OGFOD3: variants seen among roughly 807,000 people sequenced by gnomAD.
The protein encoded by OGFOD3 is 2-oxoglutarate and iron dependent oxygenase domain containing 3, also known as 2-oxoglutarate and iron-dependent oxygenase domain-containing protein 3.
OGFOD3 carries 35 observed loss-of-function variants against 39.8 expected under a neutral mutation model. The observed-to-expected ratio is 0.88, with a 90% CI of 0.67 to 1.17. The LOEUF (loss-of-function observed/expected upper bound fraction) is 1.17. Among genes scored for constraint, OGFOD3 ranks in the 50% most tolerant of loss-of-function variants. The pLI is 0.00. For synonymous variants in OGFOD3, 200 were observed against 192.0 expected, an observed-to-expected ratio of 1.04 and a Z score of -0.34; for missense variants, 438 against 454.5, an observed-to-expected ratio of 0.96 and a Z score of 0.33.
intron 2 of OGFOD3, among the ~76,000 whole-genome samples, chr17:82,413,272 G>A (rs1053500866): frequency 1.3e-5 from 2 of 152,188 alleles, no homozygotes; most frequent in Non-Finnish European, 2.9e-5. Flanking sequence ...GGGAAGAGAG[G>A]GTCCCCCGCG....
At chr17:82,395,118 T>C (rs990884117) in intron 8 of OGFOD3, among the ~76,000 whole-genome samples, 2 of 152,088 alleles carry the variant, frequency 1.3e-5, no homozygotes, top group South Asian at 4.1e-4. Flanking sequence ...TGCAACCTCC[T>C]CCTCCCAGGC....
At chr17:82,418,231 C>T (rs554078397) in intron 1 of OGFOD3, 181 bp downstream of exon 1, 185 of 436,154 alleles carry the variant, frequency 4.2e-4, no homozygotes, top group Non-Finnish European at 6.3e-4. Context: ...CCCGCCCGCA[C>T]CTGCCCTGCT....
At position 82,392,821 on chromosome 17, in the gene OGFOD3, C is replaced by T. The variant is rs533797888; in HGVS notation, c.824-287G>A. On this transcript the variant is annotated intron_variant, in intron 8 of 8. Transcript: ENST00000313056. The surrounding 1 kb of genome is among the most constrained non-coding windows in gnomAD (Gnocchi z 4.2). ...ATGCTGCAGATGAGGCCACCACTGG[C>T]TCCAGACACCCCAGGTCATCTGATC... 2.3e-4 allele frequency: 99 copies of T among 425,466 alleles called. 1 individual carries two copies. The South Asian group carries it at 3.6e-3, about 15-fold the overall frequency. 26.4% of individuals were successfully genotyped at this position (425,466 alleles called of 1,614,324 possible). A position where few individuals can be genotyped will look rare whatever the true frequency, so the allele number is the denominator to read the frequency against.
At chr17:82,409,516 G>A (rs371562893) in intron 3 of OGFOD3, 106 bp from the exon 4 acceptor site, 6 of 1,010,928 alleles carry the variant, frequency 5.9e-6, no homozygotes, top group African/African-American at 4.8e-5. Flanking sequence ...TGGGTCCTGC[G>A]TGTTTAATGT....
At position 82,409,411 on chromosome 17, in the gene OGFOD3, C is replaced by A. The variant is rs972038135; in HGVS notation, c.381-1G>T. On this transcript the variant is annotated splice_acceptor_variant, in intron 3 of 8. Coordinates refer to ENST00000313056, the MANE Select transcript of OGFOD3 (RefSeq NM_024648.3). LOFTEE classifies it high-confidence loss of function. ...CAGGGAGAGCCCCTTTTCAGCTACG[C>A]TGCAGGGAGAAAATAATTCAGAATT... The A allele has an allele frequency of 6.2e-7, 1 of 1,613,978 alleles. No individual in the cohort carries two copies. Among genetic ancestry groups the A allele is most frequent in the South Asian group, 1.1e-5 (1 of 91,074 alleles).
At chr17:82,414,006 ATCGGGCACAATAGCATCGTGCAGCCG>A (rs1457349698) in intron 2 of OGFOD3, among the ~76,000 whole-genome samples, 14 of 152,230 alleles carry the variant, frequency 9.2e-5, no homozygotes, top group African/African-American at 3.1e-4. Flanking sequence ...GTGTGGTGGC[ATCGGGCACAATAGCATCGTGCAGCCG>A]TCACTAGCAC....
Position 82,403,920 on chromosome 17 carries a change from C to CCCACGGGCGCGCTCACCTTGT in OGFOD3, c.695_699+16dup, listed in dbSNP as rs777319067. On this transcript the variant is annotated intron_variant, in intron 7 of 8. Coordinates refer to ENST00000313056, the MANE Select transcript of OGFOD3 (RefSeq NM_024648.3). ...CTTGTCCACGGGCACGCTCACCCTGCCCACGGGCGCGCTCACCTTGTCCAC... is the reference window on the plus strand; with the variant it reads ...CTTGTCCACGGGCACGCTCACCCTGCCCACGGGCGCGCTCACCTTGTCCACGGGCGCGCTCACCTTGTCCAC... The CCCACGGGCGCGCTCACCTTGT allele has an allele frequency of 6.3e-7, 1 of 1,589,830 alleles. No individual in the cohort carries two copies. The highest frequency in any genetic ancestry group is 1.3e-5 in the African/African-American group (1 of 74,250).
intron 7 of OGFOD3, among the ~76,000 whole-genome samples, chr17:82,401,803 C>CAAAAAAAAAAAATAAAAAAA (rs2052768484): frequency 1.6e-5 from 1 of 61,724 alleles, no homozygotes; most frequent in Non-Finnish European, 2.7e-5. Flanking sequence ...GACTCCATCT[C>CAAAAAAAAAAAATAAAAAAA]AAAAAAAAAA....
At chr17:82,394,426 G>A in intron 8 of OGFOD3, 1 of 1,613,324 alleles carries the variant, frequency 6.2e-7, no homozygotes, top group Non-Finnish European at 8.5e-7. Flanking sequence ...TCCCCTCTCG[G>A]GCGGGTGGTG....
chr17:82,411,994 C>G (rs2052953538), intron 2 of OGFOD3, among the ~76,000 whole-genome samples: 2 of 151,058 alleles, frequency 1.3e-5, no homozygotes, highest in African/African-American at 4.9e-5. Context: ...CTCCTGAGAC[C>G]ACCAGAGCAG....
At chr17:82,411,384 C>A in intron 3 of OGFOD3, 71 bp downstream of exon 3, 1 of 1,401,588 alleles carries the variant, frequency 7.1e-7, no homozygotes. Flanking sequence ...TAACAATGCT[C>A]TGCTTCCCGC....
Position 82,389,317 on chromosome 17 carries a change from G to C in OGFOD3, c.*3081C>G, listed in dbSNP as rs2052575690. 1 of 152,194 alleles carries C rather than the reference G, an allele frequency of 6.6e-6. No individual in the cohort carries two copies. Among genetic ancestry groups the C allele is most frequent in the South Asian group, 2.1e-4 (1 of 4,834 alleles). 9.4% of individuals were successfully genotyped at this position (152,194 alleles called of 1,614,324 possible). A position where few individuals can be genotyped will look rare whatever the true frequency, so the allele number is the denominator to read the frequency against. On this transcript the variant is annotated 3_prime_UTR_variant, in exon 9 of 9. Transcript: ENST00000313056. The surrounding 1 kb of genome is among the most constrained non-coding windows in gnomAD (Gnocchi z 4.6). ...ATCAGAGGACACACCTGAGACTCCA[G>C]TTCCTCCCTGGAACCTTCTAGCGGA... is the stretch of plus-strand genomic sequence containing the variant.
Position 82,406,272 on chromosome 17 carries a change from C to G in OGFOD3, c.488+146G>C, listed in dbSNP as rs957119980. ...CCCAAAGAACCAGGAAGGACCCGGC[C>G]AACATCACAGCCACTGAGGCCCTGA... On this transcript the variant is annotated intron_variant, in intron 5 of 8. Transcript: ENST00000313056. This position sits in a 1 kb window ranked among gnomAD's most constrained non-coding sequence, Gnocchi z 5.2. 10 of 711,296 alleles carry G rather than the reference C, an allele frequency of 1.4e-5. No homozygotes were observed. Among genetic ancestry groups the G allele is most frequent in the Non-Finnish European group, 2.4e-5 (10 of 410,220 alleles). The allele number at this position is 711,296 out of a possible 1,614,324, so 44.1% of individuals were successfully genotyped here.
Position 82,415,056 on chromosome 17 carries a change from G to T in OGFOD3, c.304+342C>A, listed in dbSNP as rs1167349538. Among the ~76,000 whole-genome samples, 2 of 152,198 alleles carry T rather than the reference G, an allele frequency of 1.3e-5. No individual in the cohort carries two copies. Among genetic ancestry groups the T allele is most frequent in the African/African-American group, 4.8e-5 (2 of 41,438 alleles). On this transcript the variant is annotated intron_variant, in intron 2 of 8. Coordinates refer to ENST00000313056, the MANE Select transcript of OGFOD3 (RefSeq NM_024648.3). This position sits in a 1 kb window ranked among gnomAD's most constrained non-coding sequence, Gnocchi z 5.3. ...CAGGACGGCAGAAGGGCTGCTGGTCGTTTCTTGTTACATTTTCCCCAACAT... is the reference window on the plus strand; with the variant it reads ...CAGGACGGCAGAAGGGCTGCTGGTCTTTTCTTGTTACATTTTCCCCAACAT...
At chr17:82,418,381 C>T in intron 1 of OGFOD3, 31 bp downstream of exon 1, 1 of 1,450,620 alleles carries the variant, frequency 6.9e-7, no homozygotes, top group Non-Finnish European at 9.1e-7. Context: ...TCCGCCGCCG[C>T]AGCGCGCGCC....
In OGFOD3 at chr17:82,407,820, C is replaced by T. The variant is rs74001675; in HGVS notation, c.424-1338G>A. Reference sequence around the variant, plus strand: ...TCACAGATCTTTAACAAATAGCCCCCGAACTGAACCAAACCAAACTGAAAT... The same window carrying T: ...TCACAGATCTTTAACAAATAGCCCCTGAACTGAACCAAACCAAACTGAAAT... On this transcript the variant is annotated intron_variant, in intron 4 of 8. Coordinates refer to ENST00000313056, the MANE Select transcript of OGFOD3 (RefSeq NM_024648.3). 2.6e-4 allele frequency among the ~76,000 whole-genome samples: 39 copies of T among 152,296 alleles called. 1 individual carries two copies. Among genetic ancestry groups the T allele is most frequent in the South Asian group, 1.5e-3 (7 of 4,818 alleles).
chr17:82,394,384 A>T (rs147427713), intron 8 of OGFOD3: 22 of 1,601,304 alleles, frequency 1.4e-5, no homozygotes, highest in Non-Finnish European at 1.9e-5. Flanking sequence ...ACAATAAGCA[A>T]TGCTCTCAGC....
chr17:82,404,566 G>GAAGA lies in OGFOD3; in HGVS notation c.546-480_546-477dup, dbSNP rs1450603750. 6.6e-6 allele frequency among the ~76,000 whole-genome samples: 1 copy of GAAGA among 151,972 alleles called. No individual in the cohort carries two copies. The highest frequency in any genetic ancestry group is 1.5e-5 in the Non-Finnish European group (1 of 67,994). ...CTGGGGACAAAGGGACTCTCGCTCA[G>GAAGA]AAGACCCCATGTGCCAGGCCAGAGC... is the stretch of plus-strand genomic sequence containing the variant. On this transcript the variant is annotated intron_variant, in intron 6 of 8. Transcript: ENST00000313056. The surrounding 1 kb of genome is among the most constrained non-coding windows in gnomAD (Gnocchi z 4.5).
Position 82,391,483 on chromosome 17 carries a change from ATTTG to A in OGFOD3, c.*911_*914del, listed in dbSNP as rs1422303122. ...TCAGCCTCCCCAGTAGCTGGGATTA[ATTTG>A]TTTTTGTGTTTTTAGTAGAGACAGG... On this transcript the variant is annotated 3_prime_UTR_variant, in exon 9 of 9. Coordinates refer to ENST00000313056, the MANE Select transcript of OGFOD3 (RefSeq NM_024648.3). The surrounding 1 kb of genome is among the most constrained non-coding windows in gnomAD (Gnocchi z 5.1). 6.6e-6 allele frequency: 1 copy of A among 152,134 alleles called. No individual in the cohort carries two copies. Among genetic ancestry groups the A allele is most frequent in the Non-Finnish European group, 1.5e-5 (1 of 68,130 alleles). 9.4% of individuals were successfully genotyped at this position (152,134 alleles called of 1,614,324 possible). A position where few individuals can be genotyped will look rare whatever the true frequency, so the allele number is the denominator to read the frequency against.
Sources: allele counts gnomAD v4.1 joint callset (sites outside exome capture counted in the v4.1 genomes callset), GRCh38; gene constraint gnomAD v4.1.1; non-coding constraint Gnocchi (gnomAD v3.1); transcripts MANE v1.5; gene names NCBI Gene and HGNC (gene_info 2026-07-23, HGNC 2026-07-21).